TAFA1: variants seen among roughly 807,000 people sequenced by gnomAD.
TAFA1 encodes TAFA chemokine like family member 1.
A neutral mutation model predicts 18.5 loss-of-function variants in TAFA1; 4 were observed. That is an observed-to-expected ratio of 0.22 (90% CI 0.11 to 0.49). The LOEUF is 0.49. Among genes scored for constraint, TAFA1 ranks in the 20% least tolerant of loss-of-function variants. The pLI, the probability that TAFA1 is intolerant of heterozygous loss-of-function variation, is 0.98. For missense variants in TAFA1, 147 were observed against 169.0 expected, an observed-to-expected ratio of 0.87 and a Z score of 0.72; for synonymous variants, 56 against 55.2, an observed-to-expected ratio of 1.01 and a Z score of -0.06.
chr3:68,205,354 G>C (rs569493684), intron 2 of TAFA1, among the ~76,000 whole-genome samples: 6 of 151,914 alleles, frequency 3.9e-5, no homozygotes, highest in Non-Finnish European at 5.9e-5. Flanking sequence ...TGATATTCTA[G>C]ATCTTGTCCT....
intron 2 of TAFA1, among the ~76,000 whole-genome samples, chr3:68,196,465 C>T (rs1391051885): frequency 1.3e-5 from 2 of 151,670 alleles, no homozygotes; most frequent in East Asian, 3.9e-4. Context: ...CACCTGCTTT[C>T]CAATGTGCAC....
At chr3:68,439,516 A>G (rs1183173913) in intron 3 of TAFA1, among the ~76,000 whole-genome samples, 1 of 148,848 alleles carries the variant, frequency 6.7e-6, no homozygotes, top group Non-Finnish European at 1.5e-5. Context: ...CCGAGGAGCT[A>G]GGAAGCCAGT....
At chr3:68,387,083 C>T (rs2070121597) in intron 2 of TAFA1, among the ~76,000 whole-genome samples, 2 of 150,306 alleles carry the variant, frequency 1.3e-5, no homozygotes, top group African/African-American at 4.9e-5. Context: ...TGTCTGCATG[C>T]AGACACTTTC....
At chr3:68,179,156 C>CTA (rs979568456) in intron 2 of TAFA1, among the ~76,000 whole-genome samples, 4 of 152,156 alleles carry the variant, frequency 2.6e-5, no homozygotes, top group Admixed American at 2.6e-4. Flanking sequence ...TTTCATTAGG[C>CTA]TATAACTTAC....
intron 2 of TAFA1, among the ~76,000 whole-genome samples, chr3:68,405,699 C>CCAAAAAA (rs1559655011): frequency 3.0e-5 from 1 of 32,890 alleles, no homozygotes; most frequent in Non-Finnish European, 7.8e-5. Context: ...GACTCTATCT[C>CCAAAAAA]AAAAAAAAAA....
chr3:68,379,618 G>A (rs2069890601), intron 2 of TAFA1, among the ~76,000 whole-genome samples: 1 of 152,150 alleles, frequency 6.6e-6, no homozygotes, highest in Admixed American at 6.5e-5. Context: ...GGGATTTTTA[G>A]AGGTTTGGGT....
chr3:68,506,874 A>G (rs1373769974), intron 3 of TAFA1, among the ~76,000 whole-genome samples: 3 of 152,128 alleles, frequency 2.0e-5, no homozygotes, highest in Non-Finnish European at 4.4e-5. Context: ...GCCACAGTGC[A>G]AATGAATCAG....
intron 2 of TAFA1, among the ~76,000 whole-genome samples, chr3:68,267,611 T>C (rs1021436401): frequency 1.1e-4 from 17 of 152,280 alleles, no homozygotes; most frequent in Admixed American, 3.3e-4. Context: ...GATAACTGAT[T>C]ATGTTGATAT....
chr3:68,401,430 C>T (rs1033454631), intron 2 of TAFA1, among the ~76,000 whole-genome samples: 12 of 152,096 alleles, frequency 7.9e-5, no homozygotes, highest in South Asian at 2.1e-4. Context: ...AAGAGAAAAA[C>T]GCATTGACTG....
At chr3:68,282,520 A>G (rs887614452) in intron 2 of TAFA1, among the ~76,000 whole-genome samples, 8 of 152,272 alleles carry the variant, frequency 5.3e-5, no homozygotes, top group East Asian at 1.9e-4. Flanking sequence ...AGGCAATGTC[A>G]TTTTAACTAC....
At chr3:68,285,513 C>T (rs1176730080) in intron 2 of TAFA1, among the ~76,000 whole-genome samples, 1 of 151,710 alleles carries the variant, frequency 6.6e-6, no homozygotes, top group Non-Finnish European at 1.5e-5. Context: ...TATATAGCAA[C>T]TATATATATA....
chr3:68,396,179 A>G (rs2070380691), intron 2 of TAFA1, among the ~76,000 whole-genome samples: 1 of 152,162 alleles, frequency 6.6e-6, no homozygotes, highest in South Asian at 2.1e-4. Flanking sequence ...TGAGAATTTT[A>G]TAAATCAGAA....
At chr3:68,261,975 A>T (rs944841347) in intron 2 of TAFA1, among the ~76,000 whole-genome samples, 2 of 151,914 alleles carry the variant, frequency 1.3e-5, no homozygotes, top group Admixed American at 1.3e-4. Context: ...TGAAATAAAA[A>T]AAAAAGAAAA....
chr3:68,274,959 A>G (rs1173359218), intron 2 of TAFA1, among the ~76,000 whole-genome samples: 1 of 152,172 alleles, frequency 6.6e-6, no homozygotes, highest in Non-Finnish European at 1.5e-5. Flanking sequence ...TGCAAAACAG[A>G]AGCATGGTCT....
intron 2 of TAFA1, among the ~76,000 whole-genome samples, chr3:68,089,014 C>T (rs573076081): frequency 8.5e-5 from 13 of 152,230 alleles, no homozygotes; most frequent in African/African-American, 2.4e-4. Context: ...ATGGTGGCTG[C>T]CATTCACTGA....
intron 3 of TAFA1, among the ~76,000 whole-genome samples, chr3:68,436,642 A>G (rs373613124): frequency 7.9e-5 from 12 of 152,258 alleles, no homozygotes; most frequent in African/African-American, 1.4e-4. Flanking sequence ...GCAGGTGTAT[A>G]TTGTACAAAA....
At chr3:68,345,613 T>G (rs1470390379) in intron 2 of TAFA1, among the ~76,000 whole-genome samples, 5 of 152,142 alleles carry the variant, frequency 3.3e-5, no homozygotes, top group Non-Finnish European at 7.4e-5. Flanking sequence ...GGAGATCATG[T>G]TCAAGCATTT....
chr3:68,486,417 G>C (rs933839189), intron 3 of TAFA1, among the ~76,000 whole-genome samples: 2 of 152,096 alleles, frequency 1.3e-5, no homozygotes, highest in African/African-American at 4.8e-5. Context: ...CCTGGACCTT[G>C]GTCGTTCCCA....
At chr3:68,171,033 C>T (rs1559546135) in intron 2 of TAFA1, among the ~76,000 whole-genome samples, 1 of 152,160 alleles carries the variant, frequency 6.6e-6, no homozygotes, top group Non-Finnish European at 1.5e-5. Context: ...AAAAGATGCC[C>T]ATGTGTTAAT....
Sources: allele counts gnomAD v4.1 joint callset (sites outside exome capture counted in the v4.1 genomes callset), GRCh38; gene constraint gnomAD v4.1.1; transcripts MANE v1.5; gene names NCBI Gene and HGNC (gene_info 2026-07-23, HGNC 2026-07-21).